The following POLR3A variants were observed in gnomAD, a reference collection of about 807,000 sequenced individuals.
The protein encoded by POLR3A is RNA polymerase III subunit A.
A neutral mutation model predicts 152.8 loss-of-function variants in POLR3A; 112 were observed. That is an observed-to-expected ratio of 0.73 (90% CI 0.63 to 0.86). The LOEUF (loss-of-function observed/expected upper bound fraction) is 0.86, where lower values mean the gene tolerates loss of function less well. Among genes scored for constraint, POLR3A ranks in the 40% least tolerant of loss-of-function variants. POLR3A has a pLI of 0.00. For missense variants in POLR3A, 1,385 were observed against 1,743.1 expected, an observed-to-expected ratio of 0.79 and a Z score of 3.66; for synonymous variants, 615 against 652.1, an observed-to-expected ratio of 0.94 and a Z score of 0.87.
intron 16 of POLR3A, among the ~76,000 whole-genome samples, chr10:78,003,548 C>T (rs1216243213): frequency 6.6e-6 from 1 of 152,158 alleles, no homozygotes; most frequent in African/African-American, 2.4e-5. Context: ...AAATGAGGGG[C>T]AGCAGGCTGG....
chr10:78,012,871 GCCA>G, intron 11 of POLR3A, among the ~76,000 whole-genome samples: 1 of 152,226 alleles, frequency 6.6e-6, no homozygotes, highest in Non-Finnish European at 1.5e-5. Flanking sequence ...ACAGGCGTGC[GCCA>G]CCACACCTGG....
chr10:78,009,931 A>G lies in POLR3A; in HGVS notation c.1703T>C (p.Ile568Thr). The change falls in exon 13 of 31, where the codon ATT becomes ACT. Residue 568 changes from isoleucine to threonine, a missense_variant. Transcript: ENST00000372371. ...FFDRAKACQI[I>T]ASILVGKDEK... ...ATCCTTGCCAACCAGTATTGAAGCA[A>G]TGATTTGGCAAGCCTTGGCTCGATC... The G allele has an allele frequency of 6.2e-7, 1 of 1,614,226 alleles. No individual in the cohort carries two copies. The highest frequency in any genetic ancestry group is 8.5e-7 in the Non-Finnish European group (1 of 1,180,046).
Position 77,980,218 on chromosome 10 carries a change from A to G in POLR3A, c.3947T>C (p.Leu1316Pro). 1.2e-6 allele frequency: 2 copies of G among 1,614,018 alleles called. No homozygotes were observed. Among genetic ancestry groups the G allele is most frequent in the South Asian group, 1.1e-5 (1 of 91,086 alleles). ...FGLAKMKESV[L>P]MLASFEKTAD... ...CGTCTTCTCAAAGGAGGCCAGCATCAGCACACTCTCCTTCATCTTGGCCAG... is the reference window on the plus strand; with the variant it reads ...CGTCTTCTCAAAGGAGGCCAGCATCGGCACACTCTCCTTCATCTTGGCCAG... The change falls in exon 30 of 31, where the codon CTG (leucine) becomes CCG (proline). Residue 1316 changes from leucine to proline, a missense_variant. Leu to Pro is a moderately conservative substitution (Grantham distance 98, BLOSUM62 -3). This residue lies in a region of POLR3A where 332 missense variants were observed against 400.1 expected (regional missense o/e 0.83). Coordinates refer to ENST00000372371, the MANE Select transcript of POLR3A (RefSeq NM_007055.4).
Position 77,975,729 on chromosome 10 carries a change from A to G in POLR3A, c.*1749T>C, listed in dbSNP as rs1053768852. On this transcript the variant is annotated 3_prime_UTR_variant, in exon 31 of 31. Transcript: ENST00000372371. Reference sequence around the variant, plus strand: ...ACAACAGGTGCCGGAGTTCACTCCTATGATTCAATTCTACCCTCCCCTGGC... The same window carrying G: ...ACAACAGGTGCCGGAGTTCACTCCTGTGATTCAATTCTACCCTCCCCTGGC... 3 of 152,248 alleles carry G rather than the reference A, an allele frequency of 2.0e-5. No individual in the cohort carries two copies. The highest frequency in any genetic ancestry group is 2.9e-5 in the Non-Finnish European group (2 of 68,090). 9.4% of individuals were successfully genotyped at this position (152,248 alleles called of 1,614,324 possible). A position where few individuals can be genotyped will look rare whatever the true frequency, so the allele number is the denominator to read the frequency against.
At chr10:78,008,905 C>T (rs924105085) in intron 14 of POLR3A, among the ~76,000 whole-genome samples, 2 of 150,924 alleles carry the variant, frequency 1.3e-5, no homozygotes, top group African/African-American at 4.9e-5. Context: ...GCCTATAATC[C>T]CAGCACTTTG....
rs1847098984 is a variant in POLR3A, at chr10:77,977,367, G to A, written c.*111C>T. On this transcript the variant is annotated 3_prime_UTR_variant, in exon 31 of 31. Coordinates refer to ENST00000372371, the MANE Select transcript of POLR3A (RefSeq NM_007055.4). ...GCCAAGAGGGCTTCTCTGATTGCTG[G>A]CATAGGTGGGGACCTCAGGACCCCC... is the stretch of plus-strand genomic sequence containing the variant. 1 of 1,077,108 alleles carries A rather than the reference G, an allele frequency of 9.3e-7. No homozygotes were observed. Among genetic ancestry groups the A allele is most frequent in the Non-Finnish European group, 1.4e-6 (1 of 693,396 alleles). 66.7% of individuals were successfully genotyped at this position (1,077,108 alleles called of 1,614,324 possible). A position where few individuals can be genotyped will look rare whatever the true frequency, so the allele number is the denominator to read the frequency against.
In POLR3A at chr10:78,002,238, T is replaced by C; in HGVS notation, c.2318A>G (p.Lys773Arg). 6.2e-7 allele frequency: 1 copy of C among 1,602,554 alleles called. No homozygotes were observed. The highest frequency in any genetic ancestry group is 1.7e-5 in the Admixed American group (1 of 58,064). The change falls in exon 17 of 31, where the codon AAG becomes AGG. Residue 773 changes from lysine (K) to arginine (R), a missense_variant. Physicochemically the swap from Lys to Arg is conservative, Grantham distance 26. Transcript: ENST00000372371. ...AGSACLRELDKSNSPLTMALC... is the reference protein window; with the variant it reads ...AGSACLRELDRSNSPLTMALC... ...AGCCATGGTGAGGGGGCTGTTGCTC[T>C]TGTCCAGCTCCCGGAGGCAGGCACT...
rs748633195 is a variant in POLR3A at position 78,025,635 on chromosome 10, A to C, written c.305T>G (p.Ile102Arg). The C allele has an allele frequency of 1.2e-6, 2 of 1,614,112 alleles. No homozygotes were observed. Among genetic ancestry groups the C allele is most frequent in the Non-Finnish European group, 1.7e-6 (2 of 1,180,016 alleles). The change falls in exon 3 of 31, where the codon ATA (isoleucine) becomes AGA (arginine). Residue 102 changes from isoleucine (I) to arginine (R), a missense_variant. Ile to Arg is a moderately conservative substitution (Grantham distance 97, BLOSUM62 -3). This residue lies in a region of POLR3A where 493 missense variants were observed against 647.5 expected (regional missense o/e 0.76). Coordinates refer to ENST00000372371, the MANE Select transcript of POLR3A (RefSeq NM_007055.4). ...CFHVGYFRAV[I>R]GILQMICKTC... ...CTGTGTGCTTACCTGTAAGATGCCTATGACTGCTCTGAAGTACCCTACATG... is the reference window on the plus strand; with the variant it reads ...CTGTGTGCTTACCTGTAAGATGCCTCTGACTGCTCTGAAGTACCCTACATG...
Position 78,013,649 on chromosome 10 carries a change from C to T in POLR3A, c.1572+1G>A, listed in dbSNP as rs141484643. 4.3e-6 allele frequency: 7 copies of T among 1,613,852 alleles called. No individual in the cohort carries two copies. The highest frequency in any genetic ancestry group is 5.9e-6 in the Non-Finnish European group (7 of 1,179,914). On this transcript the variant is annotated splice_donor_variant, in intron 11 of 30. Transcript: ENST00000372371. LOFTEE classifies it high-confidence loss of function. Reference sequence around the variant, plus strand: ...AAGCTGGGCTGTGCCACCCTACATACCCCCATCAGAACAAGGGCCTCTGCT... The same window carrying T: ...AAGCTGGGCTGTGCCACCCTACATATCCCCATCAGAACAAGGGCCTCTGCT...
rs1205393152 is a variant in POLR3A at position 77,982,785 on chromosome 10, G to A, written c.3462C>T (p.Cys1154=). 1.8e-5 allele frequency: 29 copies of A among 1,614,016 alleles called. No homozygotes were observed. Among genetic ancestry groups the A allele is most frequent in the Non-Finnish European group, 2.5e-5 (29 of 1,179,962 alleles). The change falls in exon 27 of 31, where the codon TGC becomes TGT. Residue 1154 remains cysteine (C), a synonymous_variant. Coordinates refer to ENST00000372371, the MANE Select transcript of POLR3A (RefSeq NM_007055.4). ...VNAETVRYSI[C]TSKLRVKPGD... The stretch of plus-strand genomic sequence containing the variant: ...CGGGCTTCACACGGAGCTTGGATGT[G>A]CAGATGGAATATCTCACTGTCTCAG...
At chr10:77,995,132 G>C (rs979396564) in intron 19 of POLR3A, among the ~76,000 whole-genome samples, 1 of 152,106 alleles carries the variant, frequency 6.6e-6, no homozygotes, top group African/African-American at 2.4e-5. Context: ...GTCACCACCA[G>C]GCCTGCCCTA....
intron 1 of POLR3A, among the ~76,000 whole-genome samples, chr10:78,027,077 G>A (rs1305857810): frequency 1.3e-5 from 2 of 152,204 alleles, no homozygotes; most frequent in Non-Finnish European, 2.9e-5. Flanking sequence ...ATATACAAAT[G>A]TGAACAGATG....
At chr10:77,991,338 A>C (rs1437790306) in intron 20 of POLR3A, among the ~76,000 whole-genome samples, 171 bp from the exon 21 acceptor site, 1 of 152,142 alleles carries the variant, frequency 6.6e-6, no homozygotes, top group African/African-American at 2.4e-5. Flanking sequence ...TGAAGGTGAA[A>C]ACTGGATAAA....
intron 9 of POLR3A, among the ~76,000 whole-genome samples, chr10:78,018,820 A>G (rs1272164895): frequency 6.6e-6 from 1 of 152,142 alleles, no homozygotes; most frequent in Non-Finnish European, 1.5e-5. Flanking sequence ...TCCTGGCCTC[A>G]AGTGATTTGC....
rs1360450792 is a variant in POLR3A, at chr10:78,019,269, C to A, written c.1186-4G>T. ...AATTGATGTTTGCTTTGTTTACCTG[C>A]AGTACAAAAAAACCACAATAAGTTA... is the stretch of plus-strand genomic sequence containing the variant. On this transcript the variant is annotated splice_region_variant and splice_polypyrimidine_tract_variant and intron_variant, in intron 8 of 30. Transcript: ENST00000372371. 1 of 1,604,710 alleles carries A rather than the reference C, an allele frequency of 6.2e-7. No individual in the cohort carries two copies.
chr10:78,004,677 A>G lies in POLR3A; in HGVS notation c.2247+39T>C, dbSNP rs1346987816. On this transcript the variant is annotated intron_variant, in intron 16 of 30. Coordinates refer to ENST00000372371, the MANE Select transcript of POLR3A (RefSeq NM_007055.4). ...GAGAGCACCACCGTAGCCACTGTGCACGGCAAGTGGCGACCCTGAACCAAA... is the reference window on the plus strand; with the variant it reads ...GAGAGCACCACCGTAGCCACTGTGCGCGGCAAGTGGCGACCCTGAACCAAA... 9 of 1,548,604 alleles carry G rather than the reference A, an allele frequency of 5.8e-6. 1 individual carries two copies. In the Admixed American group the frequency reaches 1.4e-4, roughly 23 times the overall value.
intron 28 of POLR3A, among the ~76,000 whole-genome samples, chr10:77,981,767 G>A (rs989866394): frequency 6.6e-6 from 1 of 150,934 alleles, no homozygotes; most frequent in African/African-American, 2.4e-5. Flanking sequence ...GCTCATGCCT[G>A]TAATCCCAGC....
chr10:78,001,032 G>T lies in POLR3A; in HGVS notation c.2422C>A (p.Arg808=). ...CTGTTTTCAAAGCCGTCTGGCACTCGAGAGCCACTGATGGCCTGCTGTCCC... is the reference window on the plus strand; with the variant it reads ...CTGTTTTCAAAGCCGTCTGGCACTCTAGAGCCACTGATGGCCTGCTGTCCC... ...CVGQQAISGS[R]VPDGFENRSL... The change falls in exon 18 of 31, where the codon CGA becomes AGA. Residue 808 remains arginine (R), a synonymous_variant. Coordinates refer to ENST00000372371, the MANE Select transcript of POLR3A (RefSeq NM_007055.4). 2 of 1,612,338 alleles carry T rather than the reference G, an allele frequency of 1.2e-6. No individual in the cohort carries two copies. Among genetic ancestry groups the T allele is most frequent in the South Asian group, 2.2e-5 (2 of 91,044 alleles).
intron 14 of POLR3A, 145 bp from the exon 15 acceptor site, chr10:78,008,011 GGGGGAGGGA>G: frequency 1.9e-6 from 1 of 535,094 alleles, no homozygotes; most frequent in Non-Finnish European, 3.3e-6. Flanking sequence ...CTTTTTTTTG[GGGGGAGGGA>G]GGGGGGGTTA....
Sources: allele counts gnomAD v4.1 joint callset (sites outside exome capture counted in the v4.1 genomes callset), GRCh38; gene constraint gnomAD v4.1.1; regional missense constraint gnomAD v4.1.1; transcripts MANE v1.5; gene names NCBI Gene and HGNC (gene_info 2026-07-23, HGNC 2026-07-21).